The following FOXP2 variants were observed in gnomAD, a reference collection of about 807,000 sequenced individuals.
FOXP2 encodes forkhead box P2, also known as forkhead box protein P2.
FOXP2 carries 12 observed loss-of-function variants against 115.8 expected under a neutral mutation model. That is an observed-to-expected ratio of 0.10 (90% CI 0.07 to 0.17). FOXP2 has a LOEUF of 0.17. FOXP2 is among the 10% of genes least tolerant of loss of function. The probability of loss-of-function intolerance (pLI) is 1.00; values close to 1 mark genes in which losing one functional copy is unlikely to be tolerated. For synonymous variants in FOXP2, 328 were observed against 297.7 expected (o/e 1.10, Z -1.05); for missense variants, 629 against 843.5 (o/e 0.75, Z 3.15).
At chr7:114,145,716 G>A (rs1792353398) in intron 1 of FOXP2, among the ~76,000 whole-genome samples, 1 of 151,962 alleles carries the variant, frequency 6.6e-6, no homozygotes, top group African/African-American at 2.4e-5. Context: ...ACATATTTAA[G>A]TAATACAGAA....
chr7:114,614,145 C>T (rs868577409), intron 3 of FOXP2, among the ~76,000 whole-genome samples: 1 of 152,174 alleles, frequency 6.6e-6, no homozygotes, highest in Admixed American at 6.5e-5. Context: ...ATAGATACTA[C>T]CCAAATACTG....
At chr7:114,686,623 T>C (rs1808376772) in intron 16 of FOXP2, among the ~76,000 whole-genome samples, 1 of 152,208 alleles carries the variant, frequency 6.6e-6, no homozygotes, top group Non-Finnish European at 1.5e-5. Context: ...GGCAAAATAA[T>C]GTATATATCT....
At chr7:114,212,732 A>T (rs1794392404) in intron 1 of FOXP2, among the ~76,000 whole-genome samples, 1 of 152,198 alleles carries the variant, frequency 6.6e-6, no homozygotes, top group African/African-American at 2.4e-5. Context: ...GATGGCATAA[A>T]TTAAGAATAG....
At chr7:114,495,630 T>C (rs1312130112) in intron 2 of FOXP2, among the ~76,000 whole-genome samples, 1 of 151,656 alleles carries the variant, frequency 6.6e-6, no homozygotes, top group African/African-American at 2.4e-5. Flanking sequence ...CTCAGCCTCC[T>C]GAGCAGCTGG....
chr7:114,167,752 T>C (rs1305475881), intron 1 of FOXP2, among the ~76,000 whole-genome samples: 1 of 151,904 alleles, frequency 6.6e-6, no homozygotes, highest in Non-Finnish European at 1.5e-5. Flanking sequence ...CTTGCTAACA[T>C]GGTGAAACCC....
At chr7:114,502,132 C>T (rs1797589417) in intron 2 of FOXP2, among the ~76,000 whole-genome samples, 1 of 151,984 alleles carries the variant, frequency 6.6e-6, no homozygotes, top group Non-Finnish European at 1.5e-5. Context: ...ACCAAAAGCA[C>T]TTAAAATAAA....
intron 3 of FOXP2, among the ~76,000 whole-genome samples, chr7:114,621,429 A>G (rs900800966): frequency 3.9e-5 from 6 of 152,012 alleles, no homozygotes; most frequent in Non-Finnish European, 7.4e-5. Context: ...ATCTTAAGCA[A>G]CTCACAGCCT....
chr7:114,572,311 A>T (rs1336454822), intron 3 of FOXP2, among the ~76,000 whole-genome samples: 1 of 151,546 alleles, frequency 6.6e-6, no homozygotes, highest in African/African-American at 2.4e-5. Context: ...CTTCAGAGAG[A>T]CCTGAAATTA....
intron 2 of FOXP2, among the ~76,000 whole-genome samples, chr7:114,317,899 G>C (rs1336069260): frequency 6.6e-6 from 1 of 151,962 alleles, no homozygotes; most frequent in Non-Finnish European, 1.5e-5. Flanking sequence ...TCCCACCTCG[G>C]GGCCTTTGCA....
chr7:114,393,107 AG>A (rs1792646219), intron 2 of FOXP2, among the ~76,000 whole-genome samples: 1 of 152,172 alleles, frequency 6.6e-6, no homozygotes, highest in Non-Finnish European at 1.5e-5. Flanking sequence ...ATACACAAAA[AG>A]TACATAGAAT....
At chr7:114,297,513 C>CAACTATT (rs1796771203) in intron 2 of FOXP2, 1 of 270,530 alleles carries the variant, frequency 3.7e-6, no homozygotes, top group Non-Finnish European at 7.2e-6. Flanking sequence ...TCAATTCGCA[C>CAACTATT]AACTATTAAC....
intron 3 of FOXP2, among the ~76,000 whole-genome samples, chr7:114,569,123 A>T (rs1312595757): frequency 6.6e-6 from 1 of 151,848 alleles, no homozygotes; most frequent in Non-Finnish European, 1.5e-5. Flanking sequence ...TATTAGTGTT[A>T]GTATGGTTTA....
At chr7:114,218,312 C>T (rs1403026459) in intron 1 of FOXP2, among the ~76,000 whole-genome samples, 4 of 152,134 alleles carry the variant, frequency 2.6e-5, no homozygotes, top group African/African-American at 9.7e-5. Flanking sequence ...CCCACACGTT[C>T]TCAAATTCAT....
rs372133754 is a variant in FOXP2, at chr7:114,596,237, G to T, written c.259-32303G>T. Among the ~76,000 whole-genome samples the T allele has an allele frequency of 1.7e-4, 26 of 152,122 alleles. No homozygotes were observed. In the South Asian group the frequency reaches 5.4e-3, roughly 32 times the overall value. ...TGAATAGCTCCATTTCCTTGGAGTG[G>T]TTTTTCATTGACCACTTGGTTGTGC... On this transcript the variant is annotated intron_variant, in intron 3 of 16. Transcript: ENST00000350908.
intron 1 of FOXP2, among the ~76,000 whole-genome samples, chr7:114,127,846 A>G (rs966780721): frequency 6.6e-6 from 1 of 152,188 alleles, no homozygotes; most frequent in Non-Finnish European, 1.5e-5. Flanking sequence ...TTCTCCCAGA[A>G]TATTCCTTAT....
At chr7:114,655,396 A>G (rs1047431658) in intron 10 of FOXP2, among the ~76,000 whole-genome samples, 1 of 152,198 alleles carries the variant, frequency 6.6e-6, no homozygotes, top group Non-Finnish European at 1.5e-5. Flanking sequence ...AATGTAATTG[A>G]AGTATTACAT....
chr7:114,544,642 G>T (rs1048325517), intron 3 of FOXP2, among the ~76,000 whole-genome samples: 18 of 152,190 alleles, frequency 1.2e-4, no homozygotes, highest in African/African-American at 3.9e-4. Context: ...ATTATGATGT[G>T]CTGACATGAA....
chr7:114,673,163 A>G (rs10953766), intron 16 of FOXP2, among the ~76,000 whole-genome samples: 89,536 of 152,100 alleles, frequency 0.59, 26,687 homozygotes, highest in African/African-American at 0.69. Flanking sequence ...ACTTAAAGGC[A>G]AAGTGTCAAG....
At chr7:114,447,099 A>G (rs542260187) in intron 2 of FOXP2, among the ~76,000 whole-genome samples, 2 of 152,124 alleles carry the variant, frequency 1.3e-5, no homozygotes, top group South Asian at 4.2e-4. Context: ...TGAAGAAAGC[A>G]AGCTAGGATT....
Sources: allele counts gnomAD v4.1 joint callset (sites outside exome capture counted in the v4.1 genomes callset), GRCh38; gene constraint gnomAD v4.1.1; transcripts MANE v1.5; gene names NCBI Gene and HGNC (gene_info 2026-07-23, HGNC 2026-07-21).